The following NFIC variants were observed in gnomAD, a reference collection of about 807,000 sequenced individuals.
NFIC encodes nuclear factor 1 C-type.
In NFIC, 12 loss-of-function variants were observed where a neutral mutation model predicts 54.4. The ratio of observed to expected loss-of-function variants is 0.22; its 90% CI spans 0.14 to 0.36. The LOEUF (loss-of-function observed/expected upper bound fraction) is 0.36. Ranked by LOEUF, NFIC falls within the 10% of genes least tolerant of loss-of-function variation. The pLI, the probability that NFIC is intolerant of heterozygous loss-of-function variation, is 1.00. For synonymous variants in NFIC, 322 were observed against 319.2 expected (o/e 1.01, Z -0.09); for missense variants, 575 against 718.2 (o/e 0.80, Z 2.28).
chr19:3,363,261 A>ATTT (rs1568391895), upstream of NFIC, among the ~76,000 whole-genome samples: 5 of 64,750 alleles, frequency 7.7e-5, no homozygotes, highest in African/African-American at 1.5e-4. Flanking sequence ...ATATATATAT[A>ATTT]TATATATATT....
At chr19:3,374,449 G>A (rs2081071696) in intron 1 of NFIC, among the ~76,000 whole-genome samples, 1 of 152,196 alleles carries the variant, frequency 6.6e-6, no homozygotes, top group Non-Finnish European at 1.5e-5. Flanking sequence ...CAGAATGAGA[G>A]ACTGAGGCTT....
chr19:3,370,393 CCT>C lies in NFIC; in HGVS notation c.30+3732_30+3733del, dbSNP rs1202110806. Among the ~76,000 whole-genome samples, 1 of 152,082 alleles carries C rather than the reference CCT, an allele frequency of 6.6e-6. No homozygotes were observed. The highest frequency in any genetic ancestry group is 1.5e-5 in the Non-Finnish European group (1 of 67,986). On this transcript the variant is annotated intron_variant, in intron 1 of 10. Transcript: ENST00000443272. This position sits in a 1 kb window ranked among gnomAD's most constrained non-coding sequence, Gnocchi z 5.2. ...CATCTCTCTCTGTTTCTCCCCCTCC[CCT>C]CTCTGCGGCGGAGGTGCCTCTGCGC...
In NFIC at chr19:3,464,323, G is replaced by C. The variant is rs3746299; in HGVS notation, c.*1554G>C. 0.24 allele frequency: 239,122 copies of C among 984,556 alleles called. 37,982 individuals carry two copies. Among genetic ancestry groups the C allele is most frequent in the African/African-American group, 0.76 (43,285 of 56,920 alleles). The allele number at this position is 984,556 out of a possible 1,614,324, so 61.0% of individuals were successfully genotyped here. On this transcript the variant is annotated 3_prime_UTR_variant, in exon 11 of 11. Coordinates refer to ENST00000443272, the MANE Select transcript of NFIC (RefSeq NM_001245002.2). ...CTTGGGGCCCCCCGCAGCCGTGTAG[G>C]GGGCCTCCCATCTGCTAAGCGTTTT...
At chr19:3,402,196 C>T (rs1285151356) in intron 2 of NFIC, among the ~76,000 whole-genome samples, 2 of 152,198 alleles carry the variant, frequency 1.3e-5, no homozygotes, top group South Asian at 2.1e-4. Flanking sequence ...CAGGCATGTG[C>T]CACTATAGCC....
chr19:3,441,305 G>C (rs2082290233), intron 6 of NFIC, among the ~76,000 whole-genome samples: 1 of 152,238 alleles, frequency 6.6e-6, no homozygotes, highest in Non-Finnish European at 1.5e-5. Flanking sequence ...GCCCCACTCA[G>C]GGTACCTCGC....
chr19:3,429,248 ATATATACAC>A lies in NFIC; in HGVS notation c.634+4072_634+4080del, dbSNP rs1404361447. On this transcript the variant is annotated intron_variant, in intron 3 of 10. Coordinates refer to ENST00000443272, the MANE Select transcript of NFIC (RefSeq NM_001245002.2). ...CTCTACCCCAAAAAAAAAAAAAAAA[ATATATACAC>A]ACACACACACACACACACACACACA... Among the ~76,000 whole-genome samples the A allele has an allele frequency of 3.3e-3, 196 of 60,214 alleles. 29 individuals are homozygous for A. Among genetic ancestry groups the A allele is most frequent in the African/African-American group, 0.014 (185 of 13,146 alleles). The allele number at this position is 60,214 out of a possible 152,430, so 39.5% of individuals were successfully genotyped here. A position where few individuals can be genotyped will look rare whatever the true frequency, so the allele number is the denominator to read the frequency against.
In NFIC at chr19:3,366,617, C is replaced by G. The variant is rs1471211393; in HGVS notation, c.-20C>G. 10 of 1,493,524 alleles carry G rather than the reference C, an allele frequency of 6.7e-6. No individual in the cohort carries two copies. Among genetic ancestry groups the G allele is most frequent in the Non-Finnish European group, 8.9e-6 (10 of 1,125,244 alleles). The allele number at this position is 1,493,524 out of a possible 1,614,324, so 92.5% of individuals were successfully genotyped here. A position where few individuals can be genotyped will look rare whatever the true frequency, so the allele number is the denominator to read the frequency against. On this transcript the variant is annotated 5_prime_UTR_variant, in exon 1 of 11. Coordinates refer to ENST00000443272, the MANE Select transcript of NFIC (RefSeq NM_001245002.2). ...AGCGCGCCCGCTCCGGCCGGCCCTG[C>G]GCCTCCCGCCGCGCCCGGGATGTAT...
At chr19:3,399,567 C>A (rs1288930698) in intron 2 of NFIC, among the ~76,000 whole-genome samples, 2 of 150,946 alleles carry the variant, frequency 1.3e-5, no homozygotes, top group South Asian at 2.1e-4. Flanking sequence ...CAGAGCAACA[C>A]CCTGTCTCAA....
chr19:3,378,479 A>G (rs1018121433), intron 1 of NFIC, among the ~76,000 whole-genome samples: 1 of 152,146 alleles, frequency 6.6e-6, no homozygotes, highest in Non-Finnish European at 1.5e-5. Flanking sequence ...CCAGACAGGG[A>G]GCTGGGGGCC....
At chr19:3,384,347 G>A (rs2081259271) in intron 2 of NFIC, among the ~76,000 whole-genome samples, 1 of 151,428 alleles carries the variant, frequency 6.6e-6, no homozygotes, top group South Asian at 2.1e-4. Flanking sequence ...AAGTACAGCA[G>A]GCAAGAGCCA....
upstream of NFIC, among the ~76,000 whole-genome samples, chr19:3,363,227 A>ATGTGTGTGTG (rs1236874934): frequency 2.7e-4 from 12 of 45,170 alleles, no homozygotes; most frequent in African/African-American, 1.0e-3. Context: ...ATGTATATGT[A>ATGTGTGTGTG]TGTGTATGTG....
At chr19:3,371,998 C>CTCT (rs2081026721) in intron 1 of NFIC, among the ~76,000 whole-genome samples, 9 of 35,410 alleles carry the variant, frequency 2.5e-4, no homozygotes, top group African/African-American at 6.1e-4. Context: ...CCTCTCTCTC[C>CTCT]CTCTCTCTCT....
intron 2 of NFIC, among the ~76,000 whole-genome samples, chr19:3,393,245 G>A (rs989407442): frequency 3.3e-5 from 5 of 152,118 alleles, no homozygotes; most frequent in East Asian, 1.9e-4. Context: ...CTTTAGGTCC[G>A]CTTGGCTGTT....
chr19:3,416,373 A>G (rs2081854623), intron 2 of NFIC, among the ~76,000 whole-genome samples: 2 of 150,066 alleles, frequency 1.3e-5, no homozygotes, highest in South Asian at 4.2e-4. Context: ...ATAGATAGGT[A>G]TATAAAATGT....
upstream of NFIC, among the ~76,000 whole-genome samples, chr19:3,362,471 G>T (rs543841987): frequency 6.6e-5 from 10 of 152,054 alleles, no homozygotes; most frequent in South Asian, 1.2e-3. Context: ...GGTCAGGTGT[G>T]GGGGGAAGGC....
chr19:3,381,430 C>T (rs1314263450), intron 1 of NFIC, among the ~76,000 whole-genome samples: 4 of 150,432 alleles, frequency 2.7e-5, no homozygotes, highest in Non-Finnish European at 5.9e-5. Flanking sequence ...CCTCCACAAA[C>T]TTCCGCCTTG....
At chr19:3,454,158 C>T in intron 9 of NFIC, 1 of 1,275,888 alleles carries the variant, frequency 7.8e-7, no homozygotes, top group Non-Finnish European at 9.9e-7. Context: ...GTCCCCTTCG[C>T]CGAGTCACCT....
intron 10 of NFIC, among the ~76,000 whole-genome samples, chr19:3,461,821 C>T (rs2082642613): frequency 6.6e-6 from 1 of 151,874 alleles, no homozygotes; most frequent in African/African-American, 2.4e-5. Flanking sequence ...TTTGGGAGGC[C>T]GAGGCGGGCG....
chr19:3,396,124 C>T (rs142039341), intron 2 of NFIC, among the ~76,000 whole-genome samples: 8 of 152,236 alleles, frequency 5.3e-5, no homozygotes, highest in African/African-American at 1.9e-4. Context: ...GTGGTGACCC[C>T]CAGTTACTGT....
Sources: allele counts gnomAD v4.1 joint callset (sites outside exome capture counted in the v4.1 genomes callset), GRCh38; gene constraint gnomAD v4.1.1; non-coding constraint Gnocchi (gnomAD v3.1); transcripts MANE v1.5; gene names NCBI Gene and HGNC (gene_info 2026-07-23, HGNC 2026-07-21).